Variants in C10orf67 observed in about 807,000 individuals in gnomAD.
C10orf67 encodes the protein uncharacterized protein C10orf67, mitochondrial.
In C10orf67, 60 loss-of-function variants were observed where a neutral mutation model predicts 35.6. That is an observed-to-expected ratio of 1.68 (90% CI 1.37 to 2.09). The LOEUF (loss-of-function observed/expected upper bound fraction) is 2.09, where lower values mean the gene tolerates loss of function less well. C10orf67 is among the 30% of genes most tolerant of loss of function. The probability of loss-of-function intolerance (pLI) is 0.00; values close to 1 mark genes in which losing one functional copy is unlikely to be tolerated. For synonymous variants in C10orf67, 167 were observed against 115.8 expected, an observed-to-expected ratio of 1.44 and a Z score of -2.84; for missense variants, 474 against 330.2, an observed-to-expected ratio of 1.44 and a Z score of -3.38.
At chr10:23,306,570 G>C (rs1588675274) in intron 4 of C10orf67, among the ~76,000 whole-genome samples, 1 of 151,592 alleles carries the variant, frequency 6.6e-6, no homozygotes, top group East Asian at 1.9e-4. Context: ...GTTGACAAAG[G>C]CTGGAGCACA....
At chr10:23,322,787 G>T (rs1250947942) in intron 2 of C10orf67, among the ~76,000 whole-genome samples, 3 of 151,906 alleles carry the variant, frequency 2.0e-5, no homozygotes, top group Non-Finnish European at 4.4e-5. Context: ...TGTGACATGA[G>T]TTTACCTATG....
intron 4 of C10orf67, 109 bp from the exon 5 acceptor site, chr10:23,303,568 A>T (rs561268561): frequency 2.5e-4 from 107 of 436,110 alleles, no homozygotes; most frequent in Non-Finnish European, 4.1e-4. Flanking sequence ...ACCAGAAAAC[A>T]TTTCATCTTT....
At chr10:23,236,604 G>C (rs1161127553) in intron 13 of C10orf67, among the ~76,000 whole-genome samples, 1 of 152,044 alleles carries the variant, frequency 6.6e-6, no homozygotes, top group Admixed American at 6.6e-5. Context: ...TTGGCCGGGC[G>C]TGGTGGCTCA....
chr10:23,238,663 C>G (rs1008055108), intron 13 of C10orf67, among the ~76,000 whole-genome samples: 15 of 152,110 alleles, frequency 9.9e-5, no homozygotes, highest in African/African-American at 3.6e-4. Context: ...TGAGTGACAC[C>G]ATATTCTCCT....
chr10:23,238,721 A>G (rs952466253), intron 13 of C10orf67, among the ~76,000 whole-genome samples: 1 of 152,232 alleles, frequency 6.6e-6, no homozygotes, highest in African/African-American at 2.4e-5. Context: ...TTCTAAAATG[A>G]GAATTACTCC....
At chr10:23,312,573 T>G (rs571454956) in intron 4 of C10orf67, among the ~76,000 whole-genome samples, 1 of 152,250 alleles carries the variant, frequency 6.6e-6, no homozygotes, top group South Asian at 2.1e-4. Context: ...GCTATAGGAG[T>G]GTCACTGCCT....
intron 2 of C10orf67, among the ~76,000 whole-genome samples, chr10:23,332,744 A>G (rs1316581557): frequency 6.6e-6 from 1 of 152,168 alleles, no homozygotes. Flanking sequence ...ATGGTGGGTT[A>G]CACAGTTATT....
chr10:23,204,757 G>A (rs1285885382), intron 15 of C10orf67, among the ~76,000 whole-genome samples: 1 of 152,188 alleles, frequency 6.6e-6, no homozygotes, highest in Non-Finnish European at 1.5e-5. Flanking sequence ...TCTGAAACTG[G>A]GGAATGGGAA....
At chr10:23,219,999 C>T (rs561746929) in intron 15 of C10orf67, among the ~76,000 whole-genome samples, 2 of 152,100 alleles carry the variant, frequency 1.3e-5, no homozygotes, top group African/African-American at 4.8e-5. Flanking sequence ...AAGTGAGACC[C>T]TGTCTTTACA....
rs1001057341 is a variant in C10orf67 at position 23,337,423 on chromosome 10, A to T, written c.207-4241T>A. On this transcript the variant is annotated intron_variant, in intron 1 of 15. Coordinates refer to ENST00000636213, the MANE Select transcript of C10orf67 (RefSeq NM_001371909.1). Reference sequence around the variant, plus strand: ...GTGGCAAACACCTGTAGTCCCAGGTACTTGGGAGGCTGAGGTGGGAAGATC... The same window carrying T: ...GTGGCAAACACCTGTAGTCCCAGGTTCTTGGGAGGCTGAGGTGGGAAGATC... 2.0e-5 allele frequency among the ~76,000 whole-genome samples: 3 copies of T among 152,086 alleles called. No individual in the cohort carries two copies. In the East Asian group the frequency reaches 5.8e-4, roughly 29 times the overall value.
At chr10:23,202,259 G>T (rs1218166930), downstream of C10orf67, 1 of 152,208 alleles carries the variant, frequency 6.6e-6, no homozygotes, top group Non-Finnish European at 1.5e-5. Context: ...GGACCTCTTT[G>T]TTCCGCGGCA....
At chr10:23,222,531 GA>G (rs796200265) in intron 15 of C10orf67, among the ~76,000 whole-genome samples, 1 of 152,132 alleles carries the variant, frequency 6.6e-6, no homozygotes, top group African/African-American at 2.4e-5. Flanking sequence ...GGTAAGGGTT[GA>G]AAAACTTCCT....
intron 4 of C10orf67, among the ~76,000 whole-genome samples, chr10:23,315,390 T>C (rs1844660212): frequency 6.6e-6 from 1 of 152,184 alleles, no homozygotes; most frequent in Admixed American, 6.5e-5. Flanking sequence ...TCCCAGAAAT[T>C]GTAGAAGACA....
chr10:23,330,422 C>T (rs1845401912), intron 2 of C10orf67, among the ~76,000 whole-genome samples: 1 of 151,982 alleles, frequency 6.6e-6, no homozygotes, highest in Non-Finnish European at 1.5e-5. Context: ...ATGATCCTGC[C>T]ACTGCAATCC....
intron 15 of C10orf67, among the ~76,000 whole-genome samples, chr10:23,220,044 T>G (rs1358240894): frequency 8.6e-5 from 13 of 152,034 alleles, no homozygotes; most frequent in Non-Finnish European, 1.9e-4. Flanking sequence ...TGGTGGTGTG[T>G]GCCTGTAGTT....
intron 10 of C10orf67, among the ~76,000 whole-genome samples, chr10:23,264,970 T>C (rs1842847803): frequency 6.6e-6 from 1 of 152,216 alleles, no homozygotes. Context: ...TTTTTATATG[T>C]GGTCCAAAAA....
chr10:23,252,815 T>C (rs1035919027), intron 10 of C10orf67, among the ~76,000 whole-genome samples: 1 of 152,214 alleles, frequency 6.6e-6, no homozygotes, highest in Non-Finnish European at 1.5e-5. Flanking sequence ...CCTGTTTAAA[T>C]GAACACATGT....
chr10:23,240,923 G>T (rs955621631), intron 12 of C10orf67, among the ~76,000 whole-genome samples: 1 of 152,182 alleles, frequency 6.6e-6, no homozygotes, highest in African/African-American at 2.4e-5. Flanking sequence ...ACAGAGAAAG[G>T]AAATAAATGA....
chr10:23,311,598 C>G (rs1844498424), intron 4 of C10orf67, among the ~76,000 whole-genome samples: 1 of 152,060 alleles, frequency 6.6e-6, no homozygotes. Flanking sequence ...GTAATCCCAG[C>G]TACTCTGGAG....
Sources: allele counts gnomAD v4.1 joint callset (sites outside exome capture counted in the v4.1 genomes callset), GRCh38; gene constraint gnomAD v4.1.1; transcripts MANE v1.5; gene names NCBI Gene and HGNC (gene_info 2026-07-23, HGNC 2026-07-21).